The following GXYLT1 variants were observed in gnomAD, a reference collection of about 807,000 sequenced individuals.
GXYLT1 encodes the protein glucoside xylosyltransferase 1, also known as glycosyltransferase 8 domain containing 3.
GXYLT1 carries 29 observed loss-of-function variants against 54.0 expected under a neutral mutation model. The ratio of observed to expected loss-of-function variants is 0.54; its 90% CI spans 0.40 to 0.73. The LOEUF (loss-of-function observed/expected upper bound fraction) is 0.73. Ranked by LOEUF, GXYLT1 falls within the 30% of genes least tolerant of loss-of-function variation. The pLI, the probability that GXYLT1 is intolerant of heterozygous loss-of-function variation, is 0.00. For missense variants in GXYLT1, 490 were observed against 553.4 expected (o/e 0.89, Z 1.15); for synonymous variants, 176 against 204.1 (o/e 0.86, Z 1.17).
At chr12:42,096,359 TAA>T (rs971082077) in intron 7 of GXYLT1, among the ~76,000 whole-genome samples, 6 of 151,396 alleles carry the variant, frequency 4.0e-5, no homozygotes, top group Non-Finnish European at 1.5e-5. Flanking sequence ...GAACAGAAAA[TAA>T]AAGAGGTACT....
At chr12:42,115,828 G>C (rs10880243) in intron 3 of GXYLT1, among the ~76,000 whole-genome samples, 112,064 of 142,810 alleles carry the variant, frequency 0.78, 44,796 homozygotes, top group African/African-American at 0.9. Flanking sequence ...CCAAGTCAAT[G>C]CTAAGCCAAA....
chr12:42,093,215 A>G (rs542001229), intron 7 of GXYLT1, among the ~76,000 whole-genome samples: 2 of 152,322 alleles, frequency 1.3e-5, no homozygotes, highest in South Asian at 4.1e-4. Flanking sequence ...CTCTTGCCTC[A>G]GCCTCCCAAG....
intron 1 of GXYLT1, among the ~76,000 whole-genome samples, chr12:42,143,959 C>G (rs1242508471): frequency 6.6e-6 from 1 of 152,118 alleles, no homozygotes; most frequent in Non-Finnish European, 1.5e-5. Context: ...AGCGTTAACA[C>G]AGGAAAATCA....
chr12:42,122,304 C>T (rs1234103), intron 2 of GXYLT1, among the ~76,000 whole-genome samples: 3,696 of 152,100 alleles, frequency 0.024, 154 homozygotes, highest in African/African-American at 0.084. Context: ...ACAAAGTGAA[C>T]CCTGGCCGGG....
intron 5 of GXYLT1, among the ~76,000 whole-genome samples, chr12:42,102,005 T>G (rs931289367): frequency 1.3e-5 from 2 of 152,218 alleles, no homozygotes; most frequent in African/African-American, 4.8e-5. Context: ...AATTACTTTT[T>G]TGAATCTTTA....
rs78461752 is a variant in GXYLT1 at position 42,110,553 on chromosome 12, T to G, written c.487-862A>C. ...TGGTGTCTCTGATTATTTTATTTTA[T>G]TATTGTTTTGAGACAAGGTCTCACT... On this transcript the variant is annotated intron_variant, in intron 3 of 7. Coordinates refer to ENST00000398675, the MANE Select transcript of GXYLT1 (RefSeq NM_173601.2). Among the ~76,000 whole-genome samples, 696 of 152,312 alleles carry G rather than the reference T, an allele frequency of 4.6e-3. 7 individuals are homozygous for G. Among genetic ancestry groups the G allele is most frequent in the African/African-American group, 0.015 (636 of 41,550 alleles).
rs2065297468 is a variant in GXYLT1 at position 42,086,971 on chromosome 12, C to T, written c.*815G>A. The stretch of plus-strand genomic sequence containing the variant: ...TTTACCATCAGCATAATATATTTTG[C>T]TTCCAGAATGCCCAGTAAAGCTGAC... On this transcript the variant is annotated 3_prime_UTR_variant, in exon 8 of 8. Transcript: ENST00000398675. 1 of 152,018 alleles carries T rather than the reference C, an allele frequency of 6.6e-6. No individual in the cohort carries two copies. Among genetic ancestry groups the T allele is most frequent in the Non-Finnish European group, 1.5e-5 (1 of 68,008 alleles). The allele number at this position is 152,018 out of a possible 1,614,324, so 9.4% of individuals were successfully genotyped here.
Position 42,087,832 on chromosome 12 carries a change from G to C in GXYLT1, c.1277C>G (p.Ala426Gly), listed in dbSNP as rs756670322. 5.6e-6 allele frequency: 9 copies of C among 1,605,656 alleles called. No individual in the cohort carries two copies. Among genetic ancestry groups the C allele is most frequent in the Non-Finnish European group, 7.6e-6 (9 of 1,176,696 alleles). ...KIYKIFIKQL[A>G]KSVRDRYARS... is the part of the protein sequence containing the mutation. ...GGCATAACGATCTCTTACACTTTTT[G>C]CTAGTTGTTTGATAAATATTTTGTA... is the stretch of plus-strand genomic sequence containing the variant. The change falls in exon 8 of 8, where the codon GCA (alanine) becomes GGA (glycine). Residue 426 changes from alanine to glycine, a missense_variant. Physicochemically the swap from Ala to Gly is moderately conservative, Grantham distance 60. This residue lies in a region of GXYLT1 where 342 missense variants were observed against 342.6 expected (regional missense o/e 1.00). Transcript: ENST00000398675.
At chr12:42,115,945 G>C (rs1240763124) in intron 3 of GXYLT1, among the ~76,000 whole-genome samples, 1 of 135,818 alleles carries the variant, frequency 7.4e-6, no homozygotes, top group East Asian at 2.2e-4. Context: ...TAGACCAATG[G>C]AACTGAACAG....
At chr12:42,114,115 G>A (rs1421018730) in intron 3 of GXYLT1, among the ~76,000 whole-genome samples, 1 of 152,174 alleles carries the variant, frequency 6.6e-6, no homozygotes, top group African/African-American at 2.4e-5. Context: ...GAATCTCTGG[G>A]ACACATTCAA....
intron 1 of GXYLT1, among the ~76,000 whole-genome samples, chr12:42,141,378 T>C (rs1195159814): frequency 1.3e-5 from 2 of 152,218 alleles, no homozygotes; most frequent in Non-Finnish European, 2.9e-5. Context: ...TATAAGCCTA[T>C]AAATATGTTT....
intron 7 of GXYLT1, among the ~76,000 whole-genome samples, chr12:42,089,349 A>AG (rs1209826649): frequency 1.5e-5 from 1 of 65,056 alleles, no homozygotes; most frequent in Non-Finnish European, 2.8e-5. Context: ...GGGTGGGGGG[A>AG]GGGGGGAGGG....
intron 4 of GXYLT1, among the ~76,000 whole-genome samples, chr12:42,108,077 G>A (rs966356897): frequency 3.3e-5 from 5 of 152,124 alleles, no homozygotes; most frequent in African/African-American, 1.2e-4. Context: ...TGGTTAAAAC[G>A]ATTAGAATTA....
At chr12:42,143,205 T>C (rs1440204384) in intron 1 of GXYLT1, among the ~76,000 whole-genome samples, 2 of 152,166 alleles carry the variant, frequency 1.3e-5, no homozygotes, top group African/African-American at 2.4e-5. Context: ...CTACCCCATA[T>C]AAAAATAATT....
intron 7 of GXYLT1, among the ~76,000 whole-genome samples, chr12:42,094,351 CAAAAAA>C (rs11406709): frequency 1.3e-5 from 1 of 74,636 alleles, no homozygotes; most frequent in Non-Finnish European, 2.6e-5. Flanking sequence ...AACCCTGCCT[CAAAAAA>C]AAAAAAAAAA....
At chr12:42,116,281 G>T (rs2136902482) in intron 3 of GXYLT1, among the ~76,000 whole-genome samples, 1 of 152,144 alleles carries the variant, frequency 6.6e-6, no homozygotes, top group South Asian at 2.1e-4. Flanking sequence ...TTGACAAATG[G>T]GATCTAATTC....
At chr12:42,112,572 C>T (rs552504234) in intron 3 of GXYLT1, among the ~76,000 whole-genome samples, 22 of 151,908 alleles carry the variant, frequency 1.4e-4, no homozygotes, top group East Asian at 3.9e-4. Context: ...TGAAATGAAG[C>T]GAGAAGAGAA....
chr12:42,142,381 G>C lies in GXYLT1; in HGVS notation c.221+2045C>G, dbSNP rs191109431. 2.8e-3 allele frequency among the ~76,000 whole-genome samples: 429 copies of C among 150,666 alleles called. 2 individuals carry two copies. The highest frequency in any genetic ancestry group is 9.3e-3 in the African/African-American group (382 of 40,964). On this transcript the variant is annotated intron_variant, in intron 1 of 7. Coordinates refer to ENST00000398675, the MANE Select transcript of GXYLT1 (RefSeq NM_173601.2). Reference sequence around the variant, plus strand: ...AGACAGGATCTTGCTCTGTCACCCAGGTTGGATTACACTGGTGCAATCATA... The same window carrying C: ...AGACAGGATCTTGCTCTGTCACCCACGTTGGATTACACTGGTGCAATCATA...
intron 7 of GXYLT1, among the ~76,000 whole-genome samples, chr12:42,094,553 G>A (rs1033742271): frequency 5.3e-5 from 8 of 150,258 alleles, no homozygotes; most frequent in African/African-American, 2.0e-4. Flanking sequence ...CAGCTACTTA[G>A]GAGGCTGAGG....
Sources: gnomAD v4.1 joint callset for allele counts (sites outside exome capture counted in the v4.1 genomes callset) on GRCh38, gnomAD v4.1.1 for gene constraint, gnomAD v4.1.1 regional missense constraint, MANE v1.5 for transcripts, NCBI Gene and HGNC (gene_info 2026-07-23, HGNC 2026-07-21) for gene names.